Variants in ANKFN1 observed in about 807,000 individuals in gnomAD.
ANKFN1 encodes ankyrin repeat and fibronectin type-III domain-containing protein 1.
ANKFN1 carries 74 observed loss-of-function variants against 108.7 expected under a neutral mutation model. The ratio of observed to expected loss-of-function variants is 0.68; its 90% confidence interval spans 0.56 to 0.83. The LOEUF is 0.83. Among genes scored for constraint, ANKFN1 ranks in the 40% least tolerant of loss-of-function variants. The probability of loss-of-function intolerance (pLI) is 0.00; values close to 1 mark genes in which losing one functional copy is unlikely to be tolerated. For missense variants in ANKFN1, 1,505 were observed against 1,382.3 expected, an observed-to-expected ratio of 1.09 and a Z score of -1.41; for synonymous variants, 547 against 516.2, an observed-to-expected ratio of 1.06 and a Z score of -0.81.
intron 8 of ANKFN1, among the ~76,000 whole-genome samples, chr17:56,384,111 A>T (rs1344956480): frequency 6.6e-6 from 1 of 152,202 alleles, no homozygotes; most frequent in East Asian, 1.9e-4. Flanking sequence ...CCAGCAGCAC[A>T]TCAAAAAGCT....
chr17:56,202,767 C>T (rs1395403852), intron 1 of ANKFN1, among the ~76,000 whole-genome samples: 1 of 151,940 alleles, frequency 6.6e-6, no homozygotes, highest in African/African-American at 2.4e-5. Flanking sequence ...CATGAAGTGT[C>T]CATATATTAG....
intron 15 of ANKFN1, among the ~76,000 whole-genome samples, chr17:56,476,792 A>ATTGTAAAAGTCAAATATAAGT (rs2050515548): frequency 6.6e-6 from 1 of 152,262 alleles, no homozygotes; most frequent in Non-Finnish European, 1.5e-5. Context: ...TCGTGGTTGC[A>ATTGTAAAAGTCAAATATAAGT]TTGTAAAAGT....
At chr17:56,255,777 G>T (rs1355581791) in intron 3 of ANKFN1, among the ~76,000 whole-genome samples, 1 of 152,008 alleles carries the variant, frequency 6.6e-6, no homozygotes, top group Non-Finnish European at 1.5e-5. Flanking sequence ...AAAACGTTTG[G>T]GTACCGTGAT....
In ANKFN1 at chr17:56,510,678, G is replaced by C; in HGVS notation, c.2850G>C (p.Gly950=). 6.5e-7 allele frequency: 1 copy of C among 1,536,146 alleles called. No individual in the cohort carries two copies. Among genetic ancestry groups the C allele is most frequent in the Non-Finnish European group, 8.7e-7 (1 of 1,146,920 alleles). ...TGCACGACGTGAAAACCCCTCTGGG[G>C]CCGGGCCAGGATCCCCAGGGCGAGG... ...LQVHDVKTPL[G]PGQDPQGEGP... is the part of the protein sequence containing the mutation. Residue 950 remains glycine (G), a synonymous_variant, in exon 21 of 21, where the codon GGG becomes GGC. Transcript: ENST00000682825.
chr17:56,400,761 T>C (rs1449215912), intron 8 of ANKFN1, among the ~76,000 whole-genome samples: 1 of 152,158 alleles, frequency 6.6e-6, no homozygotes, highest in Non-Finnish European at 1.5e-5. Flanking sequence ...GTTGATTTTT[T>C]TTATAAGGTG....
intron 1 of ANKFN1, among the ~76,000 whole-genome samples, chr17:56,193,907 G>T (rs762960454): frequency 2.0e-5 from 3 of 152,166 alleles, no homozygotes; most frequent in Non-Finnish European, 4.4e-5. Flanking sequence ...CTGAAATAAA[G>T]AAATCTTAAA....
intron 3 of ANKFN1, among the ~76,000 whole-genome samples, chr17:56,253,460 G>A (rs761458305): frequency 1.3e-5 from 2 of 152,144 alleles, no homozygotes; most frequent in African/African-American, 4.8e-5. Flanking sequence ...AAGCCAGGCC[G>A]GGCGCAATGG....
At chr17:56,051,689 T>C (rs1465442160) in intron 4 of ANKFN1, among the ~76,000 whole-genome samples, 13 of 134,800 alleles carry the variant, frequency 9.6e-5, no homozygotes, top group African/African-American at 2.0e-4. Context: ...CAGCCCAAAA[T>C]CTCCTTAAGC....
At chr17:56,240,687 A>G (rs1917515152) in intron 3 of ANKFN1, among the ~76,000 whole-genome samples, 1 of 152,134 alleles carries the variant, frequency 6.6e-6, no homozygotes, top group Admixed American at 6.6e-5. Context: ...CTTTGCCAAC[A>G]TGGGTTATTT....
intron 8 of ANKFN1, among the ~76,000 whole-genome samples, chr17:56,380,396 C>T (rs1458278744): frequency 6.6e-6 from 1 of 152,176 alleles, no homozygotes; most frequent in Non-Finnish European, 1.5e-5. Context: ...ATCTGAGGTA[C>T]CGTGTTCATC....
intron 10 of ANKFN1, among the ~76,000 whole-genome samples, chr17:56,444,427 AT>A (rs1264554960): frequency 2.6e-5 from 4 of 151,726 alleles, no homozygotes; most frequent in African/African-American, 4.8e-5. Flanking sequence ...ATGCCTGTGT[AT>A]TTTTTTTATA....
upstream of ANKFN1, among the ~76,000 whole-genome samples, chr17:56,149,643 G>C (rs181509324): frequency 7.9e-5 from 12 of 152,340 alleles, no homozygotes; most frequent in East Asian, 2.3e-3. Context: ...CCTTGGAAAG[G>C]AGAATTTCAC....
rs529397650 is a variant in ANKFN1, at chr17:56,108,586, G to A, written c.288+62261G>A. ...TTACAAATAAGGAAACTAAGTCACGGAGAGGTTAAGTAACTTAACCAATAT... is the reference window on the plus strand; with the variant it reads ...TTACAAATAAGGAAACTAAGTCACGAAGAGGTTAAGTAACTTAACCAATAT... On this transcript the variant is annotated intron_variant, in intron 4 of 12. Transcript: ENST00000635860. Among the ~76,000 whole-genome samples the A allele has an allele frequency of 2.6e-5, 4 of 152,302 alleles. No homozygotes were observed. In the East Asian group the frequency reaches 7.7e-4, roughly 29 times the overall value.
At chr17:56,168,733 A>G (rs1411618257) in intron 1 of ANKFN1, among the ~76,000 whole-genome samples, 1 of 152,160 alleles carries the variant, frequency 6.6e-6, no homozygotes, top group African/African-American at 2.4e-5. Context: ...ATAAGCCTAT[A>G]TTTCATTATT....
chr17:56,462,887 C>T (rs981160757), intron 14 of ANKFN1, among the ~76,000 whole-genome samples: 1 of 152,182 alleles, frequency 6.6e-6, no homozygotes, highest in African/African-American at 2.4e-5. Context: ...GACTTAGACT[C>T]TTCCAGCTGT....
chr17:56,277,776 G>T (rs975260465), intron 3 of ANKFN1, among the ~76,000 whole-genome samples: 1 of 152,070 alleles, frequency 6.6e-6, no homozygotes, highest in South Asian at 2.1e-4. Context: ...GCCCCAAATT[G>T]TACACTCAAA....
chr17:56,222,901 T>C (rs868473734), intron 2 of ANKFN1, among the ~76,000 whole-genome samples: 16 of 152,166 alleles, frequency 1.1e-4, no homozygotes, highest in African/African-American at 3.6e-4. Context: ...TAAAAGTAAA[T>C]GTTCAAAATG....
chr17:56,092,549 C>T (rs1905440002), intron 4 of ANKFN1, among the ~76,000 whole-genome samples: 1 of 151,166 alleles, frequency 6.6e-6, no homozygotes, highest in Admixed American at 6.6e-5. Flanking sequence ...GTTAGGATTA[C>T]AGGCGTGAGC....
chr17:56,401,401 G>A (rs1032001581), intron 8 of ANKFN1, among the ~76,000 whole-genome samples: 65 of 148,968 alleles, frequency 4.4e-4, no homozygotes, highest in Non-Finnish European at 5.3e-4. Context: ...GTGTTGTGTT[G>A]TGTTGTGTTG....
Sources: allele counts gnomAD v4.1 joint callset (sites outside exome capture counted in the v4.1 genomes callset), GRCh38; gene constraint gnomAD v4.1.1; transcripts MANE v1.5; gene names NCBI Gene and HGNC (gene_info 2026-07-23, HGNC 2026-07-21).